ACTN1: variants seen among roughly 807,000 people sequenced by gnomAD.
ACTN1 encodes alpha-actinin-1.
Under a neutral mutation model 119.6 loss-of-function variants are expected in ACTN1, and 30 were observed. The ratio of observed to expected loss-of-function variants is 0.25; its 90% CI spans 0.19 to 0.34. ACTN1 has a LOEUF of 0.34. ACTN1 is among the 10% of genes least tolerant of loss of function. The probability of loss-of-function intolerance (pLI) is 1.00; values close to 1 mark genes in which losing one functional copy is unlikely to be tolerated. For synonymous variants in ACTN1, 429 were observed against 472.6 expected, an observed-to-expected ratio of 0.91 and a Z score of 1.20; for missense variants, 764 against 1,223.4, an observed-to-expected ratio of 0.62 and a Z score of 5.60.
chr14:68,903,291 T>C (rs2033457142), intron 7 of ACTN1, among the ~76,000 whole-genome samples: 1 of 152,182 alleles, frequency 6.6e-6, no homozygotes, highest in African/African-American at 2.4e-5. Context: ...TAAAAGCTAC[T>C]GGTGGCTTTG....
At chr14:68,972,072 G>A (rs988734097) in intron 1 of ACTN1, among the ~76,000 whole-genome samples, 1 of 152,126 alleles carries the variant, frequency 6.6e-6, no homozygotes, top group Non-Finnish European at 1.5e-5. Context: ...CACACGGAGA[G>A]AAGCAATCCC....
intron 8 of ACTN1, among the ~76,000 whole-genome samples, chr14:68,896,769 CAAG>C (rs1314939263): frequency 1.4e-4 from 21 of 152,122 alleles, no homozygotes; most frequent in East Asian, 1.9e-4. Flanking sequence ...CTGGCCCCAG[CAAG>C]AAGAACCAGG....
At chr14:68,930,939 A>G (rs1254147709) in intron 1 of ACTN1, among the ~76,000 whole-genome samples, 1 of 152,246 alleles carries the variant, frequency 6.6e-6, no homozygotes, top group Non-Finnish European at 1.5e-5. Context: ...GCACCATCCA[A>G]GTCAAACCTT....
chr14:68,956,120 A>G (rs1234082539), intron 1 of ACTN1, among the ~76,000 whole-genome samples: 1 of 152,074 alleles, frequency 6.6e-6, no homozygotes, highest in Non-Finnish European at 1.5e-5. Flanking sequence ...AGCTATGATC[A>G]TGCCACTGTA....
chr14:68,914,426 CAAAG>C (rs2034175588), intron 3 of ACTN1, among the ~76,000 whole-genome samples: 1 of 152,096 alleles, frequency 6.6e-6, no homozygotes, highest in Non-Finnish European at 1.5e-5. Context: ...CACTTGTAAT[CAAAG>C]AAATAAGATC....
At chr14:68,902,762 G>A (rs962878656) in intron 7 of ACTN1, among the ~76,000 whole-genome samples, 200 bp from the exon 8 acceptor site, 1 of 152,118 alleles carries the variant, frequency 6.6e-6, no homozygotes, top group Non-Finnish European at 1.5e-5. Context: ...CAAAGGAGGC[G>A]GACAAACCCA....
At chr14:68,914,274 A>G (rs2034169151) in intron 3 of ACTN1, among the ~76,000 whole-genome samples, 1 of 152,256 alleles carries the variant, frequency 6.6e-6, no homozygotes, top group Non-Finnish European at 1.5e-5. Flanking sequence ...ATGCACTTTC[A>G]TTTGTTATTT....
intron 8 of ACTN1, among the ~76,000 whole-genome samples, chr14:68,899,797 G>A (rs1395371965): frequency 1.3e-5 from 2 of 152,230 alleles, no homozygotes; most frequent in Non-Finnish European, 2.9e-5. Context: ...AGAGAAGGAA[G>A]GAGCTTTGGG....
At chr14:68,924,445 G>A (rs561727928) in intron 2 of ACTN1, among the ~76,000 whole-genome samples, 3 of 152,334 alleles carry the variant, frequency 2.0e-5, no homozygotes, top group African/African-American at 4.8e-5. Flanking sequence ...GCAGAGGATC[G>A]AAGGTCTGAT....
In ACTN1 at chr14:68,979,262, T is replaced by G. The variant is rs1474392526; in HGVS notation, c.-206A>C. 1 of 360,132 alleles carries G rather than the reference T, an allele frequency of 2.8e-6. No homozygotes were observed. The allele number at this position is 360,132 out of a possible 1,614,324, so 22.3% of individuals were successfully genotyped here. A position where few individuals can be genotyped will look rare whatever the true frequency, so the allele number is the denominator to read the frequency against. Reference sequence around the variant, plus strand: ...GCGGCGGCTGGGCTCGCGGACTGCCTGCCTCTGGGCGGGCGCTTGGACCTA... The same window carrying G: ...GCGGCGGCTGGGCTCGCGGACTGCCGGCCTCTGGGCGGGCGCTTGGACCTA... On this transcript the variant is annotated 5_prime_UTR_variant, in exon 1 of 22. Coordinates refer to ENST00000394419, the MANE Select transcript of ACTN1 (RefSeq NM_001130004.2).
chr14:68,886,533 C>T (rs2032023693), intron 11 of ACTN1: 1 of 152,282 alleles, frequency 6.6e-6, no homozygotes, highest in Non-Finnish European at 1.5e-5. Context: ...TGGCTCACGC[C>T]TGTAATCCCA....
intron 1 of ACTN1, among the ~76,000 whole-genome samples, chr14:68,963,086 G>A (rs2036591074): frequency 6.6e-6 from 1 of 151,786 alleles, no homozygotes; most frequent in South Asian, 2.1e-4. Flanking sequence ...CTTACCTTTG[G>A]TTACACCCTT....
At position 68,880,774 on chromosome 14, in the gene ACTN1, G is replaced by A. The variant is rs370001122; in HGVS notation, c.2133+36C>T. The A allele has an allele frequency of 4.3e-5, 69 of 1,604,108 alleles. No homozygotes were observed. Among genetic ancestry groups the A allele is most frequent in the Admixed American group, 1.0e-4 (6 of 59,680 alleles). On this transcript the variant is annotated intron_variant, in intron 17 of 21. Transcript: ENST00000394419. This position sits in a 1 kb window ranked among gnomAD's most constrained non-coding sequence, Gnocchi z 4.6. ...CAGGAGAAAGAGCAGAAGGGGCCAC[G>A]GGCTCCCGAAGAGGAACAAGGCCAG...
intron 3 of ACTN1, among the ~76,000 whole-genome samples, chr14:68,915,118 G>A (rs1412930110): frequency 2.0e-5 from 3 of 152,140 alleles, no homozygotes; most frequent in Non-Finnish European, 4.4e-5. Flanking sequence ...GAATGACCAA[G>A]TAAATCCCCA....
chr14:68,924,562 C>A (rs768439261), intron 2 of ACTN1, among the ~76,000 whole-genome samples: 1 of 152,224 alleles, frequency 6.6e-6, no homozygotes, highest in Non-Finnish European at 1.5e-5. Flanking sequence ...CCTGGAGAGG[C>A]ACCGCGGGCT....
intron 11 of ACTN1, chr14:68,887,496 C>T (rs1381925524): frequency 8.5e-7 from 1 of 1,176,594 alleles, no homozygotes; most frequent in Non-Finnish European, 1.1e-6. Flanking sequence ...ACTAACCCCC[C>T]CATCTATGGA....
rs2031363771 is a variant in ACTN1, at chr14:68,880,192, T to C, written c.2134-84A>G. On this transcript the variant is annotated intron_variant, in intron 17 of 21. Transcript: ENST00000394419. This position sits in a 1 kb window ranked among gnomAD's most constrained non-coding sequence, Gnocchi z 4.6. ...CCCTGCCCATCCTACTCCCCAACCA[T>C]CAAAATGGCCAAAGCCATCAAACTT... is the stretch of plus-strand genomic sequence containing the variant. 1 of 1,526,206 alleles carries C rather than the reference T, an allele frequency of 6.6e-7. No individual in the cohort carries two copies. Among genetic ancestry groups the C allele is most frequent in the Non-Finnish European group, 8.8e-7 (1 of 1,130,480 alleles). 94.5% of individuals were successfully genotyped at this position (1,526,206 alleles called of 1,614,324 possible).
chr14:68,962,559 G>C (rs1295633057), intron 1 of ACTN1, among the ~76,000 whole-genome samples: 1 of 152,178 alleles, frequency 6.6e-6, no homozygotes, highest in Admixed American at 6.5e-5. Context: ...AGCCCTGCCT[G>C]CTTCCAACCT....
chr14:68,924,776 C>T (rs1194955101), intron 2 of ACTN1, among the ~76,000 whole-genome samples: 2 of 152,222 alleles, frequency 1.3e-5, no homozygotes, highest in Non-Finnish European at 2.9e-5. Flanking sequence ...TCAGAATAAA[C>T]AGAACATCAG....
Sources: allele counts gnomAD v4.1 joint callset (sites outside exome capture counted in the v4.1 genomes callset), GRCh38; gene constraint gnomAD v4.1.1; non-coding constraint Gnocchi (gnomAD v3.1); transcripts MANE v1.5; gene names NCBI Gene and HGNC (gene_info 2026-07-23, HGNC 2026-07-21).